FMNL2: variants seen among roughly 807,000 people sequenced by gnomAD.
FMNL2 encodes formin like 2.
In FMNL2, 51 loss-of-function variants were observed where a neutral mutation model predicts 130.2. The ratio of observed to expected loss-of-function variants is 0.39; its 90% confidence interval spans 0.31 to 0.49. The LOEUF is 0.49. FMNL2 is among the 20% of genes least tolerant of loss of function. The probability of loss-of-function intolerance (pLI) is 0.85; values close to 1 mark genes in which losing one functional copy is unlikely to be tolerated. For missense variants in FMNL2, 977 were observed against 1,316.2 expected (o/e 0.74, Z 3.99); for synonymous variants, 465 against 467.1 (o/e 1.00, Z 0.06).
intron 16 of FMNL2, among the ~76,000 whole-genome samples, 197 bp from the exon 17 acceptor site, chr2:152,626,328 C>T (rs747112003): frequency 1.7e-4 from 26 of 152,216 alleles, no homozygotes; most frequent in African/African-American, 6.3e-4. Flanking sequence ...TAAGCCACCA[C>T]ATCCGACCTA....
chr2:152,413,091 T>C (rs905560787), intron 1 of FMNL2, among the ~76,000 whole-genome samples: 1 of 152,088 alleles, frequency 6.6e-6, no homozygotes, highest in Non-Finnish European at 1.5e-5. Flanking sequence ...TTAACAGATA[T>C]AAAACATAAA....
intron 1 of FMNL2, among the ~76,000 whole-genome samples, chr2:152,400,642 A>G (rs1376911872): frequency 2.6e-5 from 4 of 152,198 alleles, no homozygotes; most frequent in African/African-American, 9.6e-5. Context: ...ATGGCTTTAG[A>G]ACAAGGTTTC....
intron 1 of FMNL2, among the ~76,000 whole-genome samples, chr2:152,384,114 A>G (rs578178462): frequency 1.3e-5 from 2 of 152,232 alleles, no homozygotes; most frequent in Non-Finnish European, 2.9e-5. Flanking sequence ...TTATCTTTTT[A>G]AGTTTTCGTA....
At position 152,647,820 on chromosome 2, in the gene FMNL2, G is replaced by T; in HGVS notation, c.3194G>T (p.Arg1065Leu). 2 of 1,613,932 alleles carry T rather than the reference G, an allele frequency of 1.2e-6. No homozygotes were observed. The highest frequency in any genetic ancestry group is 1.7e-6 in the Non-Finnish European group (2 of 1,179,866). ...ITDLRNQPYR[R>L]ADAVRRSVRR... Reference sequence around the variant, plus strand: ...GATCTTAGAAACCAACCATACAGACGAGCCGATGCGGTGAGGAGAAGCGTC... The same window carrying T: ...GATCTTAGAAACCAACCATACAGACTAGCCGATGCGGTGAGGAGAAGCGTC... The change falls in exon 26 of 26, where the codon CGA becomes CTA. Residue 1065 changes from arginine to leucine, a missense_variant. This residue lies in a region of FMNL2 where 168 missense variants were observed against 168.8 expected (regional missense o/e 1.00). Coordinates refer to ENST00000288670, the MANE Select transcript of FMNL2 (RefSeq NM_052905.4).
At chr2:152,452,187 G>T (rs146524031) in intron 1 of FMNL2, among the ~76,000 whole-genome samples, 14 of 152,184 alleles carry the variant, frequency 9.2e-5, no homozygotes, top group African/African-American at 3.4e-4. Flanking sequence ...ACAGTTGAGG[G>T]ACTTGCTCCC....
At chr2:152,426,122 T>C (rs191931637) in intron 1 of FMNL2, among the ~76,000 whole-genome samples, 2 of 152,180 alleles carry the variant, frequency 1.3e-5, no homozygotes, top group Non-Finnish European at 2.9e-5. Flanking sequence ...TCTGAGTAAA[T>C]GGAGATGGGT....
chr2:152,427,681 A>T (rs1383831779), intron 1 of FMNL2, among the ~76,000 whole-genome samples: 2 of 152,238 alleles, frequency 1.3e-5, no homozygotes, highest in African/African-American at 4.8e-5. Context: ...ACATTTCAAA[A>T]GGGTAGAACA....
intron 1 of FMNL2, among the ~76,000 whole-genome samples, chr2:152,391,446 G>A (rs1685101278): frequency 6.6e-6 from 1 of 152,174 alleles, no homozygotes. Flanking sequence ...AGAGCTGGGA[G>A]GAGTGGAGTT....
chr2:152,487,060 CTG>C (rs1301547038), intron 1 of FMNL2, among the ~76,000 whole-genome samples: 2 of 152,148 alleles, frequency 1.3e-5, no homozygotes, highest in Non-Finnish European at 2.9e-5. Context: ...AGTATATACT[CTG>C]TGTTCTTCAT....
At chr2:152,583,360 A>T (rs1696893716) in intron 9 of FMNL2, among the ~76,000 whole-genome samples, 1 of 152,208 alleles carries the variant, frequency 6.6e-6, no homozygotes, top group African/African-American at 2.4e-5. Flanking sequence ...TAGGCGCTTG[A>T]CATCCTCACA....
At chr2:152,364,259 GTGTTTTTTTT>G (rs1215632977) in intron 1 of FMNL2, among the ~76,000 whole-genome samples, 5 of 100,798 alleles carry the variant, frequency 5.0e-5, no homozygotes, top group African/African-American at 1.8e-4. Context: ...GGAGGTTTGT[GTGTTTTTTTT>G]TTTTTTTTTT....
Position 152,457,411 on chromosome 2 carries a change from G to A in FMNL2, c.118-64532G>A, listed in dbSNP as rs550410641. Among the ~76,000 whole-genome samples, 69 of 152,318 alleles carry A rather than the reference G, an allele frequency of 4.5e-4. 2 individuals are homozygous for A. The South Asian group carries it at 0.011, about 25-fold the overall frequency. On this transcript the variant is annotated intron_variant, in intron 1 of 25. Coordinates refer to ENST00000288670, the MANE Select transcript of FMNL2 (RefSeq NM_052905.4). Reference sequence around the variant, plus strand: ...CAAGATAAGTGAGGCTGGGAGAGAAGTCTTTGAAGCTGATGTTAGATGAAG... The same window carrying A: ...CAAGATAAGTGAGGCTGGGAGAGAAATCTTTGAAGCTGATGTTAGATGAAG...
intron 1 of FMNL2, among the ~76,000 whole-genome samples, chr2:152,346,070 G>A (rs1230878021): frequency 6.6e-6 from 1 of 151,062 alleles, no homozygotes; most frequent in African/African-American, 2.4e-5. Flanking sequence ...TGTTGCCCAC[G>A]CTGGAGTGCA....
intron 18 of FMNL2, 29 bp from the exon 19 acceptor site, chr2:152,629,627 C>T: frequency 6.4e-7 from 1 of 1,561,050 alleles, no homozygotes; most frequent in South Asian, 1.2e-5. Context: ...GTCTTTTTTC[C>T]CCTTTTTCTT....
intron 24 of FMNL2, 107 bp downstream of exon 24, chr2:152,640,163 AC>A: frequency 1.1e-6 from 1 of 893,466 alleles, no homozygotes; most frequent in South Asian, 2.0e-5. Context: ...CAGGATCCTG[AC>A]CACTTCCTTC....
At chr2:152,563,109 T>C (rs2105612193) in intron 6 of FMNL2, among the ~76,000 whole-genome samples, 1 of 152,348 alleles carries the variant, frequency 6.6e-6, no homozygotes, top group East Asian at 1.9e-4. Flanking sequence ...AAGGCCAGCC[T>C]GTTTTGCTTC....
rs1177965681 is a variant in FMNL2, at chr2:152,568,218, G to GTTTTTTTTTTTTTTTTTTTTTTTTTT, written c.597-6903_597-6902insTTTTTTTTTTTTTTTTTTTTTTTTTT. On this transcript the variant is annotated intron_variant, in intron 6 of 25. Coordinates refer to ENST00000288670, the MANE Select transcript of FMNL2 (RefSeq NM_052905.4). ...TGAGCAACGGCTTCCATTTTGGTGG[G>GTTTTTTTTTTTTTTTTTTTTTTTTTT]TTTTTTTTTTTTTTTGAGACGGAGT... Among the ~76,000 whole-genome samples the GTTTTTTTTTTTTTTTTTTTTTTTTTT allele has an allele frequency of 5.2e-4, 18 of 34,854 alleles. 1 individual carries two copies. The highest frequency in any genetic ancestry group is 1.5e-3 in the African/African-American group (18 of 11,874). 22.9% of individuals were successfully genotyped at this position (34,854 alleles called of 152,430 possible).
In FMNL2 at chr2:152,620,833, T is replaced by C. The variant is rs557728332; in HGVS notation, c.1837+1115T>C. On this transcript the variant is annotated intron_variant, in intron 15 of 25. Transcript: ENST00000288670. ...ATTCACTCCACATCAAATCCATGGT[T>C]TTACTTCCACCCCGACTTCTATATA... 104 of 751,390 alleles carry C rather than the reference T, an allele frequency of 1.4e-4. No homozygotes were observed. In the African/African-American group the frequency reaches 1.9e-3, roughly 14 times the overall value. The allele number at this position is 751,390 out of a possible 1,614,324, so 46.5% of individuals were successfully genotyped here. A position where few individuals can be genotyped will look rare whatever the true frequency, so the allele number is the denominator to read the frequency against.
intron 9 of FMNL2, among the ~76,000 whole-genome samples, chr2:152,581,747 T>C (rs1326894122): frequency 6.6e-6 from 1 of 152,214 alleles, no homozygotes; most frequent in East Asian, 1.9e-4. Context: ...CCCTGGTATA[T>C]GCCTGACATC....
Sources: gnomAD v4.1 joint callset for allele counts (sites outside exome capture counted in the v4.1 genomes callset) on GRCh38, gnomAD v4.1.1 for gene constraint, gnomAD v4.1.1 regional missense constraint, MANE v1.5 for transcripts, NCBI Gene and HGNC (gene_info 2026-07-23, HGNC 2026-07-21) for gene names.